Variants in ZNF324B observed in about 807,000 individuals in gnomAD.
ZNF324B encodes zinc finger protein 324B.
A neutral mutation model predicts 10.6 loss-of-function variants in ZNF324B; 7 were observed. The ratio of observed to expected loss-of-function variants is 0.66; its 90% CI spans 0.38 to 1.24. The LOEUF is 1.24. Ranked by LOEUF, ZNF324B falls within the 50% of genes most tolerant of loss-of-function variation. The pLI is 0.02. For missense variants in ZNF324B, 640 were observed against 764.7 expected (o/e 0.84, Z 1.92); for synonymous variants, 316 against 321.0 (o/e 0.98, Z 0.17).
the ZNF324B span, among the ~76,000 whole-genome samples, chr19:58,426,365 T>A: frequency 2.0e-5 from 3 of 152,162 alleles, no homozygotes; most frequent in South Asian, 6.2e-4. Flanking sequence ...CCACTGTCGG[T>A]GTAAAGGGCT....
At chr19:58,454,403 C>T in intron 3 of ZNF324B, 59 bp downstream of exon 3, 2 of 1,087,030 alleles carry the variant, frequency 1.8e-6, no homozygotes, top group East Asian at 2.4e-5. Flanking sequence ...GCCCATGTCC[C>T]TGCTTTTCTG....
chr19:58,455,151 G>T lies in ZNF324B; in HGVS notation c.239-32G>T. 6.2e-7 allele frequency: 1 copy of T among 1,613,258 alleles called. No homozygotes were observed. The highest frequency in any genetic ancestry group is 8.5e-7 in the Non-Finnish European group (1 of 1,179,980). ...GCCCTGGTCCTCTCCTAACCAGGAT[G>T]CCCCAGGCAACCACCGTTTCTCTGC... is the stretch of plus-strand genomic sequence containing the variant. On this transcript the variant is annotated intron_variant, in intron 3 of 3. Transcript: ENST00000336614. The surrounding 1 kb of genome is among the most constrained non-coding windows in gnomAD (Gnocchi z 7.0).
chr19:58,455,457 C>T lies in ZNF324B; in HGVS notation c.513C>T (p.Ser171=), dbSNP rs2052906631. Residue 171 remains serine, a synonymous_variant, in exon 4 of 4, where the codon AGC becomes AGT. Coordinates refer to ENST00000336614, the MANE Select transcript of ZNF324B (RefSeq NM_207395.3). The surrounding 1 kb of genome is among the most constrained non-coding windows in gnomAD (Gnocchi z 7.0). ...RLTSPLRPPK[S]SRPREKTFTE... Reference sequence around the variant, plus strand: ...CCTCCCCACTCAGGCCCCCCAAGAGCAGCCGGCCCAGGGAAAAGACCTTCA... The same window carrying T: ...CCTCCCCACTCAGGCCCCCCAAGAGTAGCCGGCCCAGGGAAAAGACCTTCA... 6.2e-7 allele frequency: 1 copy of T among 1,614,020 alleles called. No individual in the cohort carries two copies. The highest frequency in any genetic ancestry group is 1.7e-5 in the Admixed American group (1 of 60,008).
At chr19:58,426,306 G>T in the ZNF324B span, among the ~76,000 whole-genome samples, 1 of 152,192 alleles carries the variant, frequency 6.6e-6, no homozygotes, top group Admixed American at 6.5e-5. Flanking sequence ...CGTGTATAAT[G>T]GCTGAAGCTC....
the ZNF324B span, among the ~76,000 whole-genome samples, chr19:58,439,329 C>T: frequency 1.3e-5 from 2 of 152,204 alleles, no homozygotes; most frequent in Non-Finnish European, 1.5e-5. Flanking sequence ...AGAGCACCTA[C>T]TTCCTCTACT....
the ZNF324B span, among the ~76,000 whole-genome samples, chr19:58,423,256 G>A: frequency 6.6e-6 from 1 of 152,156 alleles, no homozygotes; most frequent in Non-Finnish European, 1.5e-5. Context: ...GCCTCCCGGG[G>A]TTCTCGCCAT....
chr19:58,437,843 C>T, the ZNF324B span: 1 of 967,568 alleles, frequency 1.0e-6, no homozygotes, highest in African/African-American at 1.8e-5. Context: ...AGCCCTGTTC[C>T]TTCAACCATC....
At chr19:58,426,929 G>A in the ZNF324B span, among the ~76,000 whole-genome samples, 1 of 152,114 alleles carries the variant, frequency 6.6e-6, no homozygotes, top group Non-Finnish European at 1.5e-5. Context: ...CACAAAAGCT[G>A]GTAACCTGGA....
upstream of ZNF324B, among the ~76,000 whole-genome samples, chr19:58,447,993 C>A (rs566882677): frequency 3.3e-5 from 5 of 152,346 alleles, no homozygotes; most frequent in Admixed American, 2.6e-4. Flanking sequence ...TGAGGCCTCC[C>A]AGCCACATGG....
the ZNF324B span, among the ~76,000 whole-genome samples, chr19:58,426,801 T>C: frequency 1.3e-5 from 2 of 152,192 alleles, no homozygotes; most frequent in Non-Finnish European, 2.9e-5. Context: ...AGAAGAGAAC[T>C]ACCATTGCAT....
chr19:58,431,681 T>C, the ZNF324B span, among the ~76,000 whole-genome samples: 4 of 152,244 alleles, frequency 2.6e-5, no homozygotes, highest in East Asian at 7.7e-4. Flanking sequence ...TGAAATTACA[T>C]GGTAAATAAG....
the ZNF324B span, among the ~76,000 whole-genome samples, chr19:58,420,926 G>A: frequency 6.6e-6 from 1 of 151,112 alleles, no homozygotes; most frequent in Non-Finnish European, 1.5e-5. Context: ...GGCTGGTCTC[G>A]AACTCCTGAC....
At chr19:58,427,184 G>T in the ZNF324B span, among the ~76,000 whole-genome samples, 3 of 151,588 alleles carry the variant, frequency 2.0e-5, no homozygotes, top group African/African-American at 7.3e-5. Context: ...AGGCTGGAGT[G>T]CAATGGCGTG....
the ZNF324B span, among the ~76,000 whole-genome samples, chr19:58,427,941 A>G: frequency 6.6e-6 from 1 of 152,206 alleles, no homozygotes; most frequent in Non-Finnish European, 1.5e-5. Flanking sequence ...CTGATCCCAC[A>G]TGTGTCTTAC....
chr19:58,436,321 A>ACCTTT, the ZNF324B span: 1 of 154,414 alleles, frequency 6.5e-6, no homozygotes, highest in Non-Finnish European at 1.5e-5. Context: ...TAGACTGTGT[A>ACCTTT]CTTTAAAAGG....
chr19:58,428,536 C>T, the ZNF324B span: 1 of 152,356 alleles, frequency 6.6e-6, no homozygotes, highest in East Asian at 1.9e-4. Context: ...GAAACCCTGG[C>T]TACTCACATA....
Sources: gnomAD v4.1 joint callset for allele counts (sites outside exome capture counted in the v4.1 genomes callset) on GRCh38, gnomAD v4.1.1 for gene constraint, Gnocchi (gnomAD v3.1) non-coding constraint, MANE v1.5 for transcripts, NCBI Gene and HGNC (gene_info 2026-07-23, HGNC 2026-07-21) for gene names.